KIAA1671: variants seen among roughly 807,000 people sequenced by gnomAD.
KIAA1671 encodes the protein KIAA1671, also known as uncharacterized protein KIAA1671.
Under a neutral mutation model 131.2 loss-of-function variants are expected in KIAA1671, and 52 were observed. The observed-to-expected ratio is 0.40, with a 90% confidence interval of 0.32 to 0.50. The LOEUF is 0.50. Ranked by LOEUF, KIAA1671 falls within the 20% of genes least tolerant of loss-of-function variation. The pLI is 0.73. For missense variants in KIAA1671, 2,360 were observed against 2,364.2 expected, an observed-to-expected ratio of 1.00 and a Z score of 0.04; for synonymous variants, 1,003 against 961.6, an observed-to-expected ratio of 1.04 and a Z score of -0.80.
rs936124855 is a variant in KIAA1671, at chr22:25,049,095, A to G, written c.4396-135A>G. On this transcript the variant is annotated intron_variant, in intron 5 of 12. Coordinates refer to ENST00000358431, the MANE Select transcript of KIAA1671 (RefSeq NM_001145206.2). ...GCCCTACATGTTACCTCTGATCATT[A>G]AAGTGGGGGATTTCTGGGGGTTTAA... 8 of 1,090,470 alleles carry G rather than the reference A, an allele frequency of 7.3e-6. No homozygotes were observed. The Admixed American group carries it at 1.9e-4, about 26-fold the overall frequency. The allele number at this position is 1,090,470 out of a possible 1,614,324, so 67.5% of individuals were successfully genotyped here.
At chr22:25,164,158 G>T (rs1933558734) in intron 6 of KIAA1671, among the ~76,000 whole-genome samples, 1 of 152,156 alleles carries the variant, frequency 6.6e-6, no homozygotes, top group Admixed American at 6.5e-5. Flanking sequence ...TCAGAGCATT[G>T]TAACCTACAT....
At chr22:24,953,164 GA>G (rs1211458684) in intron 1 of KIAA1671, among the ~76,000 whole-genome samples, 1 of 152,176 alleles carries the variant, frequency 6.6e-6, no homozygotes, top group Non-Finnish European at 1.5e-5. Context: ...GGGTGACGGC[GA>G]AGGGTGATTC....
intron 1 of KIAA1671, among the ~76,000 whole-genome samples, chr22:24,983,661 G>A (rs1008977385): frequency 1.3e-5 from 2 of 149,266 alleles, no homozygotes; most frequent in Non-Finnish European, 3.0e-5. Flanking sequence ...GGAACAGCTT[G>A]CGCTAGGGCT....
intron 6 of KIAA1671, among the ~76,000 whole-genome samples, chr22:25,159,539 C>T (rs904783012): frequency 2.0e-5 from 3 of 152,110 alleles, no homozygotes; most frequent in Non-Finnish European, 4.4e-5. Flanking sequence ...TTTGTTAAAA[C>T]GATGTGTTTG....
chr22:24,962,969 T>C (rs993740880), intron 1 of KIAA1671, among the ~76,000 whole-genome samples: 1 of 151,942 alleles, frequency 6.6e-6, no homozygotes, highest in Non-Finnish European at 1.5e-5. Context: ...ATCTAAGAAG[T>C]ATTCACATGG....
intron 7 of KIAA1671, among the ~76,000 whole-genome samples, chr22:25,171,152 C>G (rs1277102347): frequency 1.3e-5 from 2 of 152,166 alleles, no homozygotes; most frequent in Admixed American, 6.5e-5. Context: ...GTAATCCCAG[C>G]ACTTTGGGAG....
At chr22:25,157,648 G>C (rs1933288282) in intron 6 of KIAA1671, among the ~76,000 whole-genome samples, 1 of 152,000 alleles carries the variant, frequency 6.6e-6, no homozygotes. Context: ...CCATGCAAGA[G>C]TGCCACAGTA....
chr22:25,060,078 T>C (rs1371109106), intron 6 of KIAA1671: 1 of 152,070 alleles, frequency 6.6e-6, no homozygotes, highest in Non-Finnish European at 1.5e-5. Flanking sequence ...TCGTGACAAA[T>C]GGTGGGGAGG....
chr22:25,001,331 A>T (rs1924472113), intron 1 of KIAA1671, among the ~76,000 whole-genome samples: 1 of 152,100 alleles, frequency 6.6e-6, no homozygotes, highest in Admixed American at 6.6e-5. Context: ...TGATTTGCTT[A>T]TATCATTCTT....
At chr22:25,008,258 C>T (rs529982745) in intron 1 of KIAA1671, among the ~76,000 whole-genome samples, 1 of 150,236 alleles carries the variant, frequency 6.7e-6, no homozygotes, top group South Asian at 2.1e-4. Context: ...ATTGGCTCAC[C>T]AATTCTTCCT....
At chr22:25,168,261 T>C (rs1261324642) in intron 6 of KIAA1671, among the ~76,000 whole-genome samples, 4 of 152,268 alleles carry the variant, frequency 2.6e-5, no homozygotes, top group Admixed American at 1.3e-4. Flanking sequence ...ATCTGATGAG[T>C]TGCAGAATCC....
chr22:25,101,230 G>A (rs377200582), intron 6 of KIAA1671, among the ~76,000 whole-genome samples: 25 of 152,208 alleles, frequency 1.6e-4, no homozygotes, highest in African/African-American at 6.0e-4. Flanking sequence ...AGATAAGTCA[G>A]GCAGGGGAAT....
intron 6 of KIAA1671, chr22:25,112,087 CAA>C (rs1652228624): frequency 2.5e-6 from 1 of 397,864 alleles, no homozygotes; most frequent in Non-Finnish European, 4.4e-6. Flanking sequence ...CTTCCATGAG[CAA>C]AAGAGTCCAA....
chr22:25,019,071 TG>T (rs1925512210), intron 1 of KIAA1671, among the ~76,000 whole-genome samples: 1 of 151,290 alleles, frequency 6.6e-6, no homozygotes, highest in Non-Finnish European at 1.5e-5. Flanking sequence ...TGTGTGTGTG[TG>T]TGTGTGTGTG....
chr22:25,181,620 T>C, intron 9 of KIAA1671, 79 bp from the exon 10 acceptor site: 1 of 1,516,468 alleles, frequency 6.6e-7, no homozygotes. Flanking sequence ...CATGAGATAC[T>C]GTGTGCAAAT....
chr22:25,042,577 C>G (rs1926997762), intron 5 of KIAA1671, among the ~76,000 whole-genome samples: 1 of 151,032 alleles, frequency 6.6e-6, no homozygotes, highest in South Asian at 2.1e-4. Flanking sequence ...AGCGATTCTC[C>G]TGCCTCAGCC....
chr22:25,138,776 A>T (rs2145956861), intron 6 of KIAA1671, among the ~76,000 whole-genome samples: 1 of 152,360 alleles, frequency 6.6e-6, no homozygotes, highest in East Asian at 1.9e-4. Flanking sequence ...CTTTCAAGAT[A>T]TTCAGGCCCA....
intron 6 of KIAA1671, among the ~76,000 whole-genome samples, chr22:25,170,422 A>T (rs1339212515): frequency 6.6e-6 from 1 of 152,176 alleles, no homozygotes; most frequent in Non-Finnish European, 1.5e-5. Flanking sequence ...AACCTGGGCA[A>T]GCGGGTGCAT....
At chr22:24,989,174 A>G (rs1923706904) in intron 1 of KIAA1671, among the ~76,000 whole-genome samples, 1 of 152,164 alleles carries the variant, frequency 6.6e-6, no homozygotes, top group African/African-American at 2.4e-5. Context: ...CCTTGTGTTC[A>G]AAGCCACATT....
Sources: gnomAD v4.1 joint callset for allele counts (sites outside exome capture counted in the v4.1 genomes callset) on GRCh38, gnomAD v4.1.1 for gene constraint, MANE v1.5 for transcripts, NCBI Gene and HGNC (gene_info 2026-07-23, HGNC 2026-07-21) for gene names.